ARHGAP15: variants seen among roughly 807,000 people sequenced by gnomAD.
ARHGAP15 encodes the protein rho GTPase-activating protein 15.
A neutral mutation model predicts 63.7 loss-of-function variants in ARHGAP15; 51 were observed. The ratio of observed to expected loss-of-function variants is 0.80; its 90% CI spans 0.64 to 1.01. The LOEUF (loss-of-function observed/expected upper bound fraction) is 1.01, where lower values mean the gene tolerates loss of function less well. Among genes scored for constraint, ARHGAP15 ranks in the 50% least tolerant of loss-of-function variants. The pLI is 0.00. For missense variants in ARHGAP15, 560 were observed against 564.6 expected, an observed-to-expected ratio of 0.99 and a Z score of 0.08; for synonymous variants, 191 against 193.8, an observed-to-expected ratio of 0.99 and a Z score of 0.12.
intron 10 of ARHGAP15, among the ~76,000 whole-genome samples, chr2:143,546,391 T>C (rs1212457935): frequency 1.3e-5 from 2 of 152,188 alleles, no homozygotes; most frequent in African/African-American, 4.8e-5. Flanking sequence ...TTCAGTTTTC[T>C]TCTTTGTGTT....
chr2:143,298,409 ACAT>A (rs1205425648), intron 6 of ARHGAP15, among the ~76,000 whole-genome samples: 2 of 152,018 alleles, frequency 1.3e-5, no homozygotes, highest in Non-Finnish European at 2.9e-5. Context: ...TATCATTATA[ACAT>A]CATCTGTAAG....
chr2:143,158,834 C>T (rs376375206), intron 2 of ARHGAP15, among the ~76,000 whole-genome samples: 3 of 151,844 alleles, frequency 2.0e-5, no homozygotes, highest in South Asian at 4.1e-4. Context: ...GTGAACTGTG[C>T]CTGTTTAAGG....
intron 12 of ARHGAP15, among the ~76,000 whole-genome samples, chr2:143,697,233 T>C (rs1363302028): frequency 1.3e-5 from 2 of 152,130 alleles, no homozygotes; most frequent in East Asian, 1.9e-4. Context: ...GAAAGCATAC[T>C]AAATAGTAAA....
intron 6 of ARHGAP15, among the ~76,000 whole-genome samples, chr2:143,370,599 A>T (rs912744546): frequency 3.3e-5 from 5 of 152,198 alleles, no homozygotes; most frequent in Non-Finnish European, 7.4e-5. Flanking sequence ...TTATGAGGAA[A>T]TTATCTAATT....
intron 9 of ARHGAP15, among the ~76,000 whole-genome samples, chr2:143,499,800 A>G (rs1202977161): frequency 6.6e-6 from 1 of 152,154 alleles, no homozygotes; most frequent in African/African-American, 2.4e-5. Flanking sequence ...CTTATCACAG[A>G]TAAGTCAAAG....
intron 8 of ARHGAP15, among the ~76,000 whole-genome samples, chr2:143,476,244 A>C (rs1691809262): frequency 6.6e-6 from 1 of 152,144 alleles, no homozygotes; most frequent in Non-Finnish European, 1.5e-5. Flanking sequence ...CTTGTGGAAA[A>C]GACTTCTTTG....
chr2:143,731,745 G>T (rs1356353080), intron 13 of ARHGAP15, among the ~76,000 whole-genome samples: 1 of 152,108 alleles, frequency 6.6e-6, no homozygotes, highest in Non-Finnish European at 1.5e-5. Flanking sequence ...ATTATTTTTT[G>T]ATTCTTGCAG....
At chr2:143,315,123 T>C (rs1289846647) in intron 6 of ARHGAP15, among the ~76,000 whole-genome samples, 2 of 152,182 alleles carry the variant, frequency 1.3e-5, no homozygotes, top group African/African-American at 4.8e-5. Context: ...GCAGCAACAA[T>C]TATATTTCAC....
intron 6 of ARHGAP15, among the ~76,000 whole-genome samples, chr2:143,254,995 C>G (rs1262199633): frequency 6.6e-6 from 1 of 151,904 alleles, no homozygotes; most frequent in Non-Finnish European, 1.5e-5. Context: ...GGTTATAAGA[C>G]AGCATTATTT....
At chr2:143,430,531 GA>G (rs1689339846) in intron 6 of ARHGAP15, among the ~76,000 whole-genome samples, 2 of 151,804 alleles carry the variant, frequency 1.3e-5, no homozygotes, top group Admixed American at 1.3e-4. Context: ...GATGCAAGAT[GA>G]AAAAAATGTG....
chr2:143,561,300 G>A (rs71423275), intron 11 of ARHGAP15, among the ~76,000 whole-genome samples: 2 of 152,122 alleles, frequency 1.3e-5, no homozygotes, highest in Non-Finnish European at 2.9e-5. Context: ...AAAGGGACAA[G>A]AGAGATTGGC....
At chr2:143,720,778 G>A (rs1232762942) in intron 13 of ARHGAP15, among the ~76,000 whole-genome samples, 1 of 152,102 alleles carries the variant, frequency 6.6e-6, no homozygotes, top group Non-Finnish European at 1.5e-5. Flanking sequence ...GTTAAAAAAT[G>A]CAGATTCTGG....
At chr2:143,762,517 T>C (rs1301401534) in intron 13 of ARHGAP15, among the ~76,000 whole-genome samples, 5 of 152,194 alleles carry the variant, frequency 3.3e-5, no homozygotes, top group Non-Finnish European at 7.3e-5. Context: ...GCTACAGAGC[T>C]GTGAAGCCAG....
chr2:143,268,794 G>A lies in ARHGAP15; in HGVS notation c.474+18194G>A, dbSNP rs539771970. On this transcript the variant is annotated intron_variant, in intron 6 of 13. Transcript: ENST00000295095. ...TAAAGAATGTAGAAAATATCAAGAT[G>A]AGAAATATTCAAATTAAGAGTAAGA... Among the ~76,000 whole-genome samples, 15 of 152,156 alleles carry A rather than the reference G, an allele frequency of 9.9e-5. No individual in the cohort carries two copies. The East Asian group carries it at 1.9e-3, about 20-fold the overall frequency.
intron 5 of ARHGAP15, among the ~76,000 whole-genome samples, chr2:143,233,234 C>A (rs931229162): frequency 6.6e-6 from 1 of 151,848 alleles, no homozygotes; most frequent in Non-Finnish European, 1.5e-5. Flanking sequence ...TCTAGGATCA[C>A]TTTTTCTTCT....
At chr2:143,150,360 A>T (rs1254765845) in intron 1 of ARHGAP15, among the ~76,000 whole-genome samples, 1 of 152,014 alleles carries the variant, frequency 6.6e-6, no homozygotes, top group Non-Finnish European at 1.5e-5. Flanking sequence ...ATGAAATATC[A>T]TGTTCACTCC....
intron 10 of ARHGAP15, among the ~76,000 whole-genome samples, chr2:143,529,403 C>T (rs35016690): frequency 0.21 from 32,349 of 151,906 alleles, 3,738 homozygotes; most frequent in Middle Eastern, 0.28. Context: ...GAGGTCTTTG[C>T]CTTTGTTCTT....
intron 6 of ARHGAP15, among the ~76,000 whole-genome samples, chr2:143,278,076 G>A (rs1028353458): frequency 2.0e-5 from 3 of 152,052 alleles, no homozygotes; most frequent in African/African-American, 7.2e-5. Context: ...TTTATCCTAT[G>A]TAGAAAGAAA....
intron 13 of ARHGAP15, among the ~76,000 whole-genome samples, chr2:143,740,519 A>G (rs1350616460): frequency 6.6e-6 from 1 of 152,228 alleles, no homozygotes; most frequent in Non-Finnish European, 1.5e-5. Context: ...CAGTGTAAAA[A>G]CTCATAAAAG....
Sources: gnomAD v4.1 joint callset for allele counts (sites outside exome capture counted in the v4.1 genomes callset) on GRCh38, gnomAD v4.1.1 for gene constraint, MANE v1.5 for transcripts, NCBI Gene and HGNC (gene_info 2026-07-23, HGNC 2026-07-21) for gene names.